The following PTPRD variants were observed in gnomAD, a reference collection of about 807,000 sequenced individuals.
PTPRD encodes receptor-type tyrosine-protein phosphatase delta.
PTPRD carries 34 observed loss-of-function variants against 214.5 expected under a neutral mutation model. The ratio of observed to expected loss-of-function variants is 0.16; its 90% CI spans 0.12 to 0.21. The LOEUF is 0.21. PTPRD is among the 10% of genes least tolerant of loss of function. The pLI, the probability that PTPRD is intolerant of heterozygous loss-of-function variation, is 1.00. For synonymous variants in PTPRD, 1,128 were observed against 845.7 expected, an observed-to-expected ratio of 1.33 and a Z score of -5.79; for missense variants, 2,545 against 2,398.7, an observed-to-expected ratio of 1.06 and a Z score of -1.27.
At chr9:8,924,109 C>T (rs1400189566) in intron 11 of PTPRD, among the ~76,000 whole-genome samples, 3 of 91,780 alleles carry the variant, frequency 3.3e-5, no homozygotes, top group African/African-American at 1.3e-4. Flanking sequence ...AGGCGCAGTC[C>T]CAGGGGCCTA....
chr9:9,700,173 T>A (rs1424817752), intron 7 of PTPRD, among the ~76,000 whole-genome samples: 1 of 152,156 alleles, frequency 6.6e-6, no homozygotes, highest in Non-Finnish European at 1.5e-5. Flanking sequence ...ATTATGTGAA[T>A]ATCATCATTT....
At chr9:9,587,593 C>T (rs1173815578) in intron 7 of PTPRD, among the ~76,000 whole-genome samples, 3 of 152,034 alleles carry the variant, frequency 2.0e-5, no homozygotes. Flanking sequence ...GCTTCTCAAA[C>T]TTCAGAGTAC....
intron 8 of PTPRD, among the ~76,000 whole-genome samples, chr9:9,461,527 G>A (rs1589058094): frequency 6.6e-6 from 1 of 152,020 alleles, no homozygotes; most frequent in African/African-American, 2.4e-5. Flanking sequence ...CAAACAGAAT[G>A]GAAGAAAGTT....
intron 11 of PTPRD, among the ~76,000 whole-genome samples, chr9:8,771,023 C>CA (rs909193421): frequency 5.3e-5 from 8 of 150,972 alleles, no homozygotes; most frequent in Non-Finnish European, 7.4e-5. Context: ...ACTAAAAATA[C>CA]AAAAAAAATT....
intron 2 of PTPRD, among the ~76,000 whole-genome samples, chr9:10,555,808 A>T (rs1328159827): frequency 6.6e-6 from 1 of 152,186 alleles, no homozygotes; most frequent in Non-Finnish European, 1.5e-5. Flanking sequence ...AAGAAACTAG[A>T]TTCCTCTAAG....
Position 10,583,416 on chromosome 9 carries a change from G to T in PTPRD, c.-600+28982C>A, listed in dbSNP as rs143710601. 1.4e-4 allele frequency among the ~76,000 whole-genome samples: 21 copies of T among 151,582 alleles called. No individual in the cohort carries two copies. The East Asian group carries it at 4.1e-3, about 30-fold the overall frequency. ...GACTAATGATTAAGCAAACTGAAAT[G>T]CAGACAGAGGTCCCCTGGTTGTGGT... On this transcript the variant is annotated intron_variant, in intron 2 of 45. Transcript: ENST00000381196.
intron 2 of PTPRD, among the ~76,000 whole-genome samples, chr9:10,558,834 A>G (rs1590886993): frequency 6.6e-6 from 1 of 152,290 alleles, no homozygotes; most frequent in East Asian, 1.9e-4. Context: ...AAAAACCAAA[A>G]CAAAGCATTT....
At chr9:10,372,750 T>G (rs1383446000) in intron 2 of PTPRD, among the ~76,000 whole-genome samples, 7 of 151,934 alleles carry the variant, frequency 4.6e-5, no homozygotes, top group Non-Finnish European at 7.4e-5. Context: ...TGTTAATGTT[T>G]ATATGCACAA....
At chr9:9,949,356 C>T (rs916254522) in intron 4 of PTPRD, among the ~76,000 whole-genome samples, 6 of 151,998 alleles carry the variant, frequency 3.9e-5, no homozygotes, top group Non-Finnish European at 8.8e-5. Flanking sequence ...CTCCCATTAA[C>T]ACCTTCTTAA....
intron 2 of PTPRD, among the ~76,000 whole-genome samples, chr9:10,399,504 G>C (rs1392055914): frequency 6.6e-6 from 1 of 151,908 alleles, no homozygotes; most frequent in African/African-American, 2.4e-5. Flanking sequence ...TGTAGATGCT[G>C]AAAATATAAA....
chr9:8,853,017 A>G (rs1382531853), intron 11 of PTPRD, among the ~76,000 whole-genome samples: 1 of 152,212 alleles, frequency 6.6e-6, no homozygotes, highest in South Asian at 2.1e-4. Context: ...ATAATGTCTA[A>G]GTCCTAAAAA....
intron 8 of PTPRD, among the ~76,000 whole-genome samples, chr9:9,470,593 G>T (rs994215677): frequency 1.3e-5 from 2 of 152,110 alleles, no homozygotes; most frequent in African/African-American, 4.8e-5. Flanking sequence ...TGAAATAAAG[G>T]CAGCTGTCCT....
At chr9:8,916,029 C>T (rs1485597705) in intron 11 of PTPRD, among the ~76,000 whole-genome samples, 1 of 152,106 alleles carries the variant, frequency 6.6e-6, no homozygotes, top group Non-Finnish European at 1.5e-5. Flanking sequence ...TGGTTACATT[C>T]ACTAAGCTGG....
At chr9:9,528,799 G>T (rs2074760235) in intron 8 of PTPRD, among the ~76,000 whole-genome samples, 1 of 150,938 alleles carries the variant, frequency 6.6e-6, no homozygotes, top group Non-Finnish European at 1.5e-5. Context: ...ACAATGGAAA[G>T]ACATCTTTAT....
intron 9 of PTPRD, among the ~76,000 whole-genome samples, chr9:9,361,652 T>A (rs754630947): frequency 6.6e-6 from 1 of 151,064 alleles, no homozygotes; most frequent in African/African-American, 2.4e-5. Context: ...CTAGAAAGAT[T>A]TGAATTATTC....
At chr9:10,499,182 A>G (rs2042941751) in intron 2 of PTPRD, among the ~76,000 whole-genome samples, 1 of 151,934 alleles carries the variant, frequency 6.6e-6, no homozygotes, top group East Asian at 1.9e-4. Context: ...CCCAGCTACC[A>G]CTAGATTTAT....
At chr9:8,670,212 T>A (rs1271743486) in intron 12 of PTPRD, among the ~76,000 whole-genome samples, 1 of 152,156 alleles carries the variant, frequency 6.6e-6, no homozygotes, top group Non-Finnish European at 1.5e-5. Context: ...CACAACTGTA[T>A]TAACTTTAGG....
chr9:8,911,904 A>T (rs548117680), intron 11 of PTPRD, among the ~76,000 whole-genome samples: 68 of 152,306 alleles, frequency 4.5e-4, no homozygotes, highest in Non-Finnish European at 7.4e-4. Context: ...TAATAAAAAA[A>T]TTCTCGCTTC....
At chr9:8,507,208 C>T (rs2097560385) in intron 22 of PTPRD, 93 bp downstream of exon 22, 2 of 1,412,844 alleles carry the variant, frequency 1.4e-6, no homozygotes, top group South Asian at 1.5e-5. Flanking sequence ...TCCTCAATAG[C>T]TCTCTGACCA....
Sources: gnomAD v4.1 joint callset for allele counts (sites outside exome capture counted in the v4.1 genomes callset) on GRCh38, gnomAD v4.1.1 for gene constraint, MANE v1.5 for transcripts, NCBI Gene and HGNC (gene_info 2026-07-23, HGNC 2026-07-21) for gene names.